FAM3B: variants seen among roughly 807,000 people sequenced by gnomAD.
The protein encoded by FAM3B is protein FAM3B.
Under a neutral mutation model 28.4 loss-of-function variants are expected in FAM3B, and 29 were observed. The ratio of observed to expected loss-of-function variants is 1.02; its 90% CI spans 0.76 to 1.39. The LOEUF (loss-of-function observed/expected upper bound fraction) is 1.39, where lower values mean the gene tolerates loss of function less well. Among genes scored for constraint, FAM3B ranks in the 40% most tolerant of loss-of-function variants. The pLI is 0.00. For synonymous variants in FAM3B, 91 were observed against 103.0 expected (o/e 0.88, Z 0.71); for missense variants, 266 against 293.9 (o/e 0.91, Z 0.69).
chr21:41,345,975 C>A, intron 5 of FAM3B: 1 of 364,166 alleles, frequency 2.7e-6, no homozygotes, highest in Non-Finnish European at 5.0e-6. Context: ...CAGTCTTTCT[C>A]TTTTTAGCTC....
At chr21:41,331,841 A>T (rs990008459) in intron 2 of FAM3B, among the ~76,000 whole-genome samples, 1 of 152,268 alleles carries the variant, frequency 6.6e-6, no homozygotes, top group Non-Finnish European at 1.5e-5. Context: ...TGTCTAAACC[A>T]TATGACATTA....
At chr21:41,325,738 C>T (rs1031125704) in intron 2 of FAM3B, among the ~76,000 whole-genome samples, 14 of 152,222 alleles carry the variant, frequency 9.2e-5, no homozygotes, top group African/African-American at 3.1e-4. Flanking sequence ...AAAACCTCCT[C>T]TCCACCCTTC....
At chr21:41,321,379 C>T (rs902027310) in intron 1 of FAM3B, among the ~76,000 whole-genome samples, 1 of 152,144 alleles carries the variant, frequency 6.6e-6, no homozygotes, top group African/African-American at 2.4e-5. Context: ...AGGAGTGAGC[C>T]CGGGAGTGCA....
chr21:41,340,829 C>A (rs1247046036), intron 3 of FAM3B, among the ~76,000 whole-genome samples: 1 of 152,012 alleles, frequency 6.6e-6, no homozygotes, highest in Admixed American at 6.6e-5. Flanking sequence ...CCTTTTCTCC[C>A]CACCTCTTGT....
upstream of FAM3B, among the ~76,000 whole-genome samples, chr21:41,314,541 A>G (rs2088733548): frequency 6.6e-6 from 1 of 152,240 alleles, no homozygotes; most frequent in Non-Finnish European, 1.5e-5. Context: ...CTTGCTATTG[A>G]TGATGTTTTA....
At chr21:41,357,055 A>C in intron 7 of FAM3B, 53 bp from the exon 8 acceptor site, 1 of 1,379,462 alleles carries the variant, frequency 7.2e-7, no homozygotes, top group Non-Finnish European at 1.0e-6. Flanking sequence ...TACTGATTAA[A>C]TACTTGTTTA....
chr21:41,324,185 C>G (rs546785922), intron 2 of FAM3B, among the ~76,000 whole-genome samples: 24 of 152,350 alleles, frequency 1.6e-4, no homozygotes, highest in African/African-American at 5.5e-4. Context: ...GAGTTGCAAA[C>G]TGGGGGCCCA....
intron 1 of FAM3B, 51 bp downstream of exon 1, chr21:41,316,949 C>G (rs887703006): frequency 7.8e-7 from 1 of 1,279,354 alleles, no homozygotes; most frequent in Non-Finnish European, 9.9e-7. Context: ...AAGGAGGACC[C>G]CAGGGGAAGC....
At chr21:41,355,286 A>G (rs1227981480) in intron 7 of FAM3B, among the ~76,000 whole-genome samples, 1 of 152,224 alleles carries the variant, frequency 6.6e-6, no homozygotes, top group Non-Finnish European at 1.5e-5. Context: ...AGTTAAACAT[A>G]CAGTGGCCCT....
intron 2 of FAM3B, among the ~76,000 whole-genome samples, chr21:41,327,251 A>C (rs538298325): frequency 1.3e-5 from 2 of 152,384 alleles, no homozygotes; most frequent in East Asian, 3.9e-4. Flanking sequence ...GGATTCTTTT[A>C]TAAATCTTTC....
chr21:41,356,445 T>G (rs1304410844), intron 7 of FAM3B, among the ~76,000 whole-genome samples: 1 of 152,208 alleles, frequency 6.6e-6, no homozygotes, highest in Non-Finnish European at 1.5e-5. Flanking sequence ...GAGTGTCTCA[T>G]GGAATTTATT....
intron 7 of FAM3B, among the ~76,000 whole-genome samples, chr21:41,355,261 G>T (rs1472440798): frequency 6.6e-6 from 1 of 152,178 alleles, no homozygotes; most frequent in Non-Finnish European, 1.5e-5. Flanking sequence ...GAAACATTCT[G>T]GCAGTTCCTC....
chr21:41,351,632 A>G (rs936594013), intron 7 of FAM3B, among the ~76,000 whole-genome samples: 2 of 151,970 alleles, frequency 1.3e-5, no homozygotes, highest in Non-Finnish European at 2.9e-5. Context: ...AGGGTGGTGT[A>G]CCCATGTTGG....
In FAM3B at chr21:41,323,009, C is replaced by T. The variant is rs770412613; in HGVS notation, c.106C>T (p.Pro36Ser). ...GCTCGCAGAGCTCATTCCAGATGCA[C>T]CCCTGTCCAGTGCTGCCTATAGCAT... is the stretch of plus-strand genomic sequence containing the variant. Reference protein sequence around the residue: ...YLLAELIPDAPLSSAAYSIRS... With the variant: ...YLLAELIPDASLSSAAYSIRS... The change falls in exon 2 of 8, where the codon CCC (proline) becomes TCC (serine). Residue 36 changes from proline (P) to serine (S), a missense_variant. Pro to Ser is a moderately conservative substitution (Grantham distance 74). Coordinates refer to ENST00000357985, the MANE Select transcript of FAM3B (RefSeq NM_058186.4). The T allele has an allele frequency of 2.4e-5, 38 of 1,610,546 alleles. No homozygotes were observed. The highest frequency in any genetic ancestry group is 3.1e-5 in the Non-Finnish European group (36 of 1,180,018).
chr21:41,339,233 A>G (rs1274409037), intron 3 of FAM3B, among the ~76,000 whole-genome samples: 1 of 152,192 alleles, frequency 6.6e-6, no homozygotes, highest in Admixed American at 6.5e-5. Context: ...AATTGATGTA[A>G]TAAGTACAGC....
chr21:41,311,250 AAATAT>A (rs1486018842), intron 1 of FAM3B, among the ~76,000 whole-genome samples: 43 of 55,954 alleles, frequency 7.7e-4, no homozygotes, highest in Admixed American at 2.0e-3. Context: ...AAAAAAAAAA[AAATAT>A]ATATATATAT....
At chr21:41,316,617 GA>G (rs2088750337), upstream of FAM3B, 1 of 363,558 alleles carries the variant, frequency 2.8e-6, no homozygotes, top group Non-Finnish European at 4.9e-6. Context: ...GCCCGGCGGG[GA>G]ACGGGTCCAC....
intron 3 of FAM3B, among the ~76,000 whole-genome samples, chr21:41,340,605 C>T (rs966901338): frequency 6.6e-6 from 1 of 152,180 alleles, no homozygotes; most frequent in East Asian, 1.9e-4. Flanking sequence ...ACATTCAACT[C>T]ATAGCAATGA....
chr21:41,333,138 T>A (rs1238878632), intron 2 of FAM3B, among the ~76,000 whole-genome samples: 3 of 151,956 alleles, frequency 2.0e-5, no homozygotes, highest in Non-Finnish European at 4.4e-5. Context: ...CTGGTTTTTT[T>A]TTTTTTGTCT....
Sources: gnomAD v4.1 joint callset for allele counts (sites outside exome capture counted in the v4.1 genomes callset) on GRCh38, gnomAD v4.1.1 for gene constraint, MANE v1.5 for transcripts, NCBI Gene and HGNC (gene_info 2026-07-23, HGNC 2026-07-21) for gene names.